The following CCDC85A variants were observed in gnomAD, a reference collection of about 807,000 sequenced individuals.
CCDC85A encodes the protein coiled-coil domain containing 85A.
In CCDC85A, 38 loss-of-function variants were observed where a neutral mutation model predicts 50.2. That is an observed-to-expected ratio of 0.76 (90% CI 0.58 to 0.99). CCDC85A has a LOEUF of 0.99. CCDC85A is among the 50% of genes least tolerant of loss of function. The pLI, the probability that CCDC85A is intolerant of heterozygous loss-of-function variation, is 0.00. For missense variants in CCDC85A, 820 were observed against 742.0 expected (o/e 1.11, Z -1.22); for synonymous variants, 366 against 301.4 (o/e 1.21, Z -2.22).
intron 2 of CCDC85A, among the ~76,000 whole-genome samples, chr2:56,233,404 T>C (rs1249708100): frequency 6.6e-6 from 1 of 152,198 alleles, no homozygotes; most frequent in East Asian, 1.9e-4. Flanking sequence ...AACATTTGTG[T>C]TGAAGAATCA....
intron 1 of CCDC85A, among the ~76,000 whole-genome samples, chr2:56,189,554 G>C (rs1172799325): frequency 6.6e-6 from 1 of 152,074 alleles, no homozygotes; most frequent in Non-Finnish European, 1.5e-5. Flanking sequence ...GCCTCCCAAA[G>C]TGTTGGGATT....
chr2:56,367,055 C>G (rs1433870197), intron 3 of CCDC85A, among the ~76,000 whole-genome samples: 1 of 152,140 alleles, frequency 6.6e-6, no homozygotes, highest in African/African-American at 2.4e-5. Context: ...AGAATCTTTG[C>G]CCAGCAAATT....
chr2:56,260,595 C>T (rs1437542227), intron 2 of CCDC85A, among the ~76,000 whole-genome samples: 2 of 152,140 alleles, frequency 1.3e-5, no homozygotes, highest in East Asian at 1.9e-4. Flanking sequence ...TTGAGCAGGG[C>T]AGGGCTGTAT....
In CCDC85A at chr2:56,363,496, C is replaced by T. The variant is rs144255646; in HGVS notation, c.1318-8848C>T. Among the ~76,000 whole-genome samples the T allele has an allele frequency of 3.2e-3, 480 of 152,230 alleles. 2 individuals carry two copies. Among genetic ancestry groups the T allele is most frequent in the African/African-American group, 0.011 (464 of 41,540 alleles). ...AGATAGGTAGCTGTAAGGATACATA[C>T]AAGAAGCTGACTCTTCTTGCTTCTC... On this transcript the variant is annotated intron_variant, in intron 3 of 5. Transcript: ENST00000407595.
rs148234050 is a variant in CCDC85A, at chr2:56,274,278, A to G, written c.1241-68601A>G. Among the ~76,000 whole-genome samples, 159 of 152,268 alleles carry G rather than the reference A, an allele frequency of 1.0e-3. 1 individual carries two copies. The highest frequency in any genetic ancestry group is 3.3e-3 in the African/African-American group (138 of 41,568). On this transcript the variant is annotated intron_variant, in intron 2 of 5. Coordinates refer to ENST00000407595, the MANE Select transcript of CCDC85A (RefSeq NM_001080433.2). The stretch of plus-strand genomic sequence containing the variant: ...AGTAGAACCAAAAGTATGTGTGTGT[A>G]TATATGTGTGTATGTAAGTGTGTGT...
chr2:56,226,061 C>A (rs1324193216), intron 2 of CCDC85A, among the ~76,000 whole-genome samples: 2 of 152,152 alleles, frequency 1.3e-5, no homozygotes, highest in Non-Finnish European at 1.5e-5. Flanking sequence ...ACACAGTTTT[C>A]CAAGTGTGGT....
chr2:56,215,972 C>T (rs1249699972), intron 2 of CCDC85A, among the ~76,000 whole-genome samples: 8 of 151,986 alleles, frequency 5.3e-5, no homozygotes, highest in Non-Finnish European at 8.8e-5. Context: ...GGAACACAGC[C>T]ATGTGCATTG....
Position 56,372,404 on chromosome 2 carries a change from G to A in CCDC85A, c.1378G>A (p.Gly460Arg), listed in dbSNP as rs1380173096. The A allele has an allele frequency of 6.2e-7, 1 of 1,605,094 alleles. No homozygotes were observed. Among genetic ancestry groups the A allele is most frequent in the East Asian group, 2.2e-5 (1 of 44,456 alleles). ...CAGCTCAAATATGGAGAAAGGCTGGGGGTCCAGAGCCCGGCGGGTCTTGCA... is the reference window on the plus strand; with the variant it reads ...CAGCTCAAATATGGAGAAAGGCTGGAGGTCCAGAGCCCGGCGGGTCTTGCA... ...RNSSNMEKGWGSRARRVLQWW... is the reference protein window; with the variant it reads ...RNSSNMEKGWRSRARRVLQWW... Residue 460 changes from glycine (G) to arginine (R), a missense_variant, in exon 4 of 6, where the codon GGG (glycine) becomes AGG (arginine). Gly to Arg is a moderately radical substitution (Grantham distance 125). Coordinates refer to ENST00000407595, the MANE Select transcript of CCDC85A (RefSeq NM_001080433.2).
intron 1 of CCDC85A, among the ~76,000 whole-genome samples, chr2:56,191,449 A>T (rs114624787): frequency 4.6e-5 from 7 of 152,178 alleles, no homozygotes. Flanking sequence ...GGCAGAATCA[A>T]TGTACCTGGA....
At chr2:56,226,810 A>G (rs1668561684) in intron 2 of CCDC85A, among the ~76,000 whole-genome samples, 1 of 151,920 alleles carries the variant, frequency 6.6e-6, no homozygotes, top group Non-Finnish European at 1.5e-5. Flanking sequence ...CATTTCTGCC[A>G]CAGTTTGGAA....
chr2:56,195,394 A>G lies in CCDC85A; in HGVS notation c.1240+1954A>G, dbSNP rs538429393. On this transcript the variant is annotated intron_variant, in intron 2 of 5. Transcript: ENST00000407595. ...CTATAATTTAGTTAAAACTGATGTA[A>G]TAGAATGATAGTGAAGTTCAAATCT... Among the ~76,000 whole-genome samples the G allele has an allele frequency of 2.1e-4, 32 of 152,354 alleles. 1 individual carries two copies. The South Asian group carries it at 6.0e-3, about 29-fold the overall frequency.
intron 2 of CCDC85A, among the ~76,000 whole-genome samples, chr2:56,196,248 A>G (rs891687625): frequency 1.3e-5 from 2 of 152,242 alleles, no homozygotes; most frequent in African/African-American, 4.8e-5. Context: ...AAAATTCTCA[A>G]AAATGCATTT....
At chr2:56,214,407 C>G (rs1573035337) in intron 2 of CCDC85A, among the ~76,000 whole-genome samples, 1 of 151,860 alleles carries the variant, frequency 6.6e-6, no homozygotes, top group African/African-American at 2.4e-5. Flanking sequence ...ATTGATTACC[C>G]CACCACTTGG....
intron 2 of CCDC85A, among the ~76,000 whole-genome samples, chr2:56,256,606 T>C (rs1296074036): frequency 1.3e-5 from 2 of 152,238 alleles, no homozygotes; most frequent in African/African-American, 4.8e-5. Flanking sequence ...CTTTGTTCGC[T>C]GTAAAAATTC....
intron 3 of CCDC85A, among the ~76,000 whole-genome samples, chr2:56,356,640 A>G (rs1347596025): frequency 6.6e-6 from 1 of 151,090 alleles, no homozygotes; most frequent in Non-Finnish European, 1.5e-5. Flanking sequence ...CAGGAGAATC[A>G]CTTGAAACTG....
chr2:56,237,086 T>G (rs1669052405), intron 2 of CCDC85A, among the ~76,000 whole-genome samples: 1 of 152,146 alleles, frequency 6.6e-6, no homozygotes, highest in African/African-American at 2.4e-5. Flanking sequence ...ATGATGCTTA[T>G]TTAGGCATTT....
intron 3 of CCDC85A, among the ~76,000 whole-genome samples, chr2:56,366,009 A>G (rs1675774001): frequency 6.6e-6 from 1 of 152,060 alleles, no homozygotes; most frequent in African/African-American, 2.4e-5. Context: ...ATCATGCAGT[A>G]TTTATCTTTC....
intron 2 of CCDC85A, among the ~76,000 whole-genome samples, chr2:56,284,276 T>G (rs548904929): frequency 2.0e-5 from 3 of 152,364 alleles, no homozygotes; most frequent in Admixed American, 2.0e-4. Context: ...CTTTCTTGAT[T>G]GATATTCTGT....
intron 3 of CCDC85A, among the ~76,000 whole-genome samples, chr2:56,361,521 G>A (rs1480746486): frequency 6.6e-6 from 1 of 152,126 alleles, no homozygotes; most frequent in Non-Finnish European, 1.5e-5. Flanking sequence ...GAAAATAAAA[G>A]CAGGGCATAG....
Sources: gnomAD v4.1 joint callset for allele counts (sites outside exome capture counted in the v4.1 genomes callset) on GRCh38, gnomAD v4.1.1 for gene constraint, MANE v1.5 for transcripts, NCBI Gene and HGNC (gene_info 2026-07-23, HGNC 2026-07-21) for gene names.